CALCOCO2: variants seen among roughly 807,000 people sequenced by gnomAD.
The protein encoded by CALCOCO2 is calcium-binding and coiled-coil domain-containing protein 2.
In CALCOCO2, 42 loss-of-function variants were observed where a neutral mutation model predicts 62.5. The ratio of observed to expected loss-of-function variants is 0.67; its 90% confidence interval spans 0.53 to 0.87. The LOEUF is 0.87. CALCOCO2 is among the 40% of genes least tolerant of loss of function. The pLI is 0.00. For synonymous variants in CALCOCO2, 167 were observed against 173.0 expected (o/e 0.97, Z 0.27); for missense variants, 456 against 515.0 (o/e 0.89, Z 1.11).
At position 48,849,588 on chromosome 17, in the gene CALCOCO2, C is replaced by G. The variant is rs2040099074; in HGVS notation, c.543+211C>G. ...GGGTGCGATCCTGGCTCACTGCAACCCCCATCTCCCAGGTTCAAGCGATTC... is the reference window on the plus strand; with the variant it reads ...GGGTGCGATCCTGGCTCACTGCAACGCCCATCTCCCAGGTTCAAGCGATTC... On this transcript the variant is annotated intron_variant, in intron 5 of 12. Coordinates refer to ENST00000258947, the MANE Select transcript of CALCOCO2 (RefSeq NM_005831.5). Among the ~76,000 whole-genome samples the G allele has an allele frequency of 2.0e-5, 3 of 152,106 alleles. No homozygotes were observed. In the South Asian group the frequency reaches 6.2e-4, roughly 32 times the overall value.
chr17:48,856,603 G>C (rs1395987893), intron 10 of CALCOCO2: 2 of 456,310 alleles, frequency 4.4e-6, no homozygotes, highest in Admixed American at 4.7e-5. Flanking sequence ...GTCTGTACCA[G>C]TGCTGGACCC....
chr17:48,857,430 G>C (rs1310822704), intron 10 of CALCOCO2, among the ~76,000 whole-genome samples: 3 of 144,800 alleles, frequency 2.1e-5, no homozygotes, highest in East Asian at 2.2e-4. Context: ...CTCCTGACCT[G>C]AGGTGATCCA....
At chr17:48,854,148 T>C (rs972862818) in intron 9 of CALCOCO2, among the ~76,000 whole-genome samples, 2 of 150,984 alleles carry the variant, frequency 1.3e-5, no homozygotes, top group African/African-American at 4.9e-5. Context: ...AAACCCCGTC[T>C]CTACGAAAAA....
At chr17:48,837,972 G>A (rs1011910609) in intron 1 of CALCOCO2, among the ~76,000 whole-genome samples, 3 of 152,038 alleles carry the variant, frequency 2.0e-5, no homozygotes, top group Admixed American at 6.6e-5. Flanking sequence ...GTGCCAGCCG[G>A]GCGCGGTGGC....
At chr17:48,862,741 T>C in intron 12 of CALCOCO2, 97 bp from the exon 13 acceptor site, 2 of 941,772 alleles carry the variant, frequency 2.1e-6, no homozygotes, top group Non-Finnish European at 3.4e-6. Flanking sequence ...GTGCCAGTCA[T>C]TATGCTAGGC....
In CALCOCO2 at chr17:48,863,321, G is replaced by T; in HGVS notation, c.*316G>T. Reference sequence around the variant, plus strand: ...TGGGTATTCACAACAGGCCTGACTTGATACTAAGTGATTAGTTTTCCAAGT... The same window carrying T: ...TGGGTATTCACAACAGGCCTGACTTTATACTAAGTGATTAGTTTTCCAAGT... On this transcript the variant is annotated 3_prime_UTR_variant, in exon 13 of 13. Transcript: ENST00000258947. 1 of 312,768 alleles carries T rather than the reference G, an allele frequency of 3.2e-6. No individual in the cohort carries two copies. The allele number at this position is 312,768 out of a possible 1,614,324, so 19.4% of individuals were successfully genotyped here.
Position 48,851,103 on chromosome 17 carries a change from C to G in CALCOCO2, c.558C>G (p.Thr186=), listed in dbSNP as rs1386886618. Residue 186 remains threonine (T), a synonymous_variant, in exon 6 of 13, where the codon ACC becomes ACG. Transcript: ENST00000258947. ...ELQKKQEELE[T]LQSINKKLEL... The stretch of plus-strand genomic sequence containing the variant: ...TCAATCTATAGGAGGAGCTAGAAAC[C>G]CTACAGAGCATCAATAAGAAGTTGG... The G allele has an allele frequency of 3.1e-6, 5 of 1,601,742 alleles. No homozygotes were observed. The highest frequency in any genetic ancestry group is 2.2e-5 in the South Asian group (2 of 90,816).
Position 48,839,894 on chromosome 17 carries a change from C to T in CALCOCO2, c.-10-1804C>T, listed in dbSNP as rs139827817. Among the ~76,000 whole-genome samples, 45 of 151,568 alleles carry T rather than the reference C, an allele frequency of 3.0e-4. 1 individual carries two copies. In the East Asian group the frequency reaches 8.4e-3, roughly 28 times the overall value. Reference sequence around the variant, plus strand: ...TTCTCCATCTTGGTCAAGCTGGTCTCGAATTCCTAACCTCAGGTGATCCAC... The same window carrying T: ...TTCTCCATCTTGGTCAAGCTGGTCTTGAATTCCTAACCTCAGGTGATCCAC... On this transcript the variant is annotated intron_variant, in intron 1 of 12. Coordinates refer to ENST00000258947, the MANE Select transcript of CALCOCO2 (RefSeq NM_005831.5).
intron 8 of CALCOCO2, 141 bp from the exon 9 acceptor site, chr17:48,852,785 G>A (rs918321387): frequency 8.2e-6 from 8 of 974,242 alleles, no homozygotes; most frequent in Non-Finnish European, 9.4e-6. Context: ...ATAGCTCATG[G>A]CTTTCTTCAG....
chr17:48,844,334 C>T (rs957180969), intron 2 of CALCOCO2, among the ~76,000 whole-genome samples: 3 of 151,942 alleles, frequency 2.0e-5, no homozygotes, highest in South Asian at 2.1e-4. Flanking sequence ...TAGTTTATAA[C>T]GTCTTTTTTT....
chr17:48,835,895 G>A (rs1426389032), intron 1 of CALCOCO2, among the ~76,000 whole-genome samples: 3 of 151,844 alleles, frequency 2.0e-5, no homozygotes, highest in Non-Finnish European at 4.4e-5. Context: ...GATTACAGGC[G>A]CCTACCACCA....
chr17:48,847,874 C>G (rs648335), intron 2 of CALCOCO2, 190 bp from the exon 3 acceptor site: 93,296 of 496,606 alleles, frequency 0.19, 13,123 homozygotes, highest in East Asian at 0.69. Flanking sequence ...AGGCTGGTCT[C>G]AAACTACTGA....
Position 48,851,644 on chromosome 17 carries a change from T to C in CALCOCO2, c.702+16T>C, listed in dbSNP as rs763386968. 6.8e-7 allele frequency: 1 copy of C among 1,477,932 alleles called. No homozygotes were observed. The highest frequency in any genetic ancestry group is 9.5e-7 in the Non-Finnish European group (1 of 1,055,502). The allele number at this position is 1,477,932 out of a possible 1,614,324, so 91.6% of individuals were successfully genotyped here. The stretch of plus-strand genomic sequence containing the variant: ...TCAGCTTCAGGTAGGTAATGCCATA[T>C]GTTTGTCAAAGGATATTTTCTTAGC... On this transcript the variant is annotated intron_variant, in intron 7 of 12. Coordinates refer to ENST00000258947, the MANE Select transcript of CALCOCO2 (RefSeq NM_005831.5).
rs572777432 is a variant in CALCOCO2 at position 48,847,238 on chromosome 17, T to G, written c.181-826T>G. Reference sequence around the variant, plus strand: ...CACAGACATTATGAAAAATAATGGGTTTTTTTTTAATGCAGTAGTATATCC... The same window carrying G: ...CACAGACATTATGAAAAATAATGGGGTTTTTTTTAATGCAGTAGTATATCC... On this transcript the variant is annotated intron_variant, in intron 2 of 12. Coordinates refer to ENST00000258947, the MANE Select transcript of CALCOCO2 (RefSeq NM_005831.5). Among the ~76,000 whole-genome samples, 51 of 150,134 alleles carry G rather than the reference T, an allele frequency of 3.4e-4. No homozygotes were observed. The South Asian group carries it at 8.5e-3, about 25-fold the overall frequency.
intron 10 of CALCOCO2, chr17:48,856,633 T>G: frequency 2.2e-6 from 1 of 452,068 alleles, no homozygotes; most frequent in Non-Finnish European, 4.4e-6. Context: ...CCCTAATAAA[T>G]GCTGTGCATT....
At chr17:48,854,237 AC>A (rs1241496466) in intron 9 of CALCOCO2, among the ~76,000 whole-genome samples, 9 of 130,084 alleles carry the variant, frequency 6.9e-5, no homozygotes, top group African/African-American at 2.6e-4. Flanking sequence ...AATCGCTTGA[AC>A]CTGGGAGGCG....
chr17:48,855,105 C>G (rs569224688), intron 9 of CALCOCO2, among the ~76,000 whole-genome samples: 47 of 152,266 alleles, frequency 3.1e-4, no homozygotes, highest in African/African-American at 1.1e-3. Flanking sequence ...AGAAAGTTAT[C>G]TTTGCACTAA....
At chr17:48,839,034 C>G (rs1203523934) in intron 1 of CALCOCO2, among the ~76,000 whole-genome samples, 1 of 151,694 alleles carries the variant, frequency 6.6e-6, no homozygotes. Flanking sequence ...GAGTCTCACT[C>G]TGTGTCCCAG....
intron 2 of CALCOCO2, among the ~76,000 whole-genome samples, chr17:48,843,592 G>A (rs2040004672): frequency 6.6e-6 from 1 of 152,228 alleles, no homozygotes; most frequent in Non-Finnish European, 1.5e-5. Context: ...GATAGGGATT[G>A]TGGCCAACCA....
Sources: gnomAD v4.1 joint callset for allele counts (sites outside exome capture counted in the v4.1 genomes callset) on GRCh38, gnomAD v4.1.1 for gene constraint, MANE v1.5 for transcripts, NCBI Gene and HGNC (gene_info 2026-07-23, HGNC 2026-07-21) for gene names.